CTDSP2: variants seen among roughly 807,000 people sequenced by gnomAD.
The protein encoded by CTDSP2 is CTD small phosphatase 2, also known as carboxy-terminal domain RNA polymerase II polypeptide A small phosphatase 2.
A neutral mutation model predicts 31.6 loss-of-function variants in CTDSP2; 9 were observed. That is an observed-to-expected ratio of 0.28 (90% CI 0.17 to 0.50). The LOEUF is 0.50. Ranked by LOEUF, CTDSP2 falls within the 20% of genes least tolerant of loss-of-function variation. The pLI is 0.98. For missense variants in CTDSP2, 267 were observed against 348.5 expected (o/e 0.77, Z 1.86); for synonymous variants, 134 against 134.5 (o/e 1.00, Z 0.03).
At chr12:57,829,789 G>T (rs951483007) in intron 1 of CTDSP2, among the ~76,000 whole-genome samples, 193 bp from the exon 2 acceptor site, 1 of 152,168 alleles carries the variant, frequency 6.6e-6, no homozygotes, top group Non-Finnish European at 1.5e-5. Context: ...AAGCAGGAAT[G>T]TCAGGAATCC....
chr12:57,829,652 C>A, intron 1 of CTDSP2, 56 bp from the exon 2 acceptor site: 1 of 1,498,348 alleles, frequency 6.7e-7, no homozygotes, highest in Non-Finnish European at 9.3e-7. Context: ...TTTCTGTCCA[C>A]AGATACTACC....
chr12:57,837,633 G>C (rs970344620), intron 1 of CTDSP2, among the ~76,000 whole-genome samples: 3 of 151,872 alleles, frequency 2.0e-5, no homozygotes, highest in African/African-American at 7.3e-5. Flanking sequence ...GGAGGTTGCA[G>C]TGAGCCGAGA....
chr12:57,842,872 C>T (rs1409763378), intron 1 of CTDSP2: 1 of 152,232 alleles, frequency 6.6e-6, no homozygotes, highest in Non-Finnish European at 1.5e-5. Context: ...CCTACATCTA[C>T]AGTGAACGGT....
intron 1 of CTDSP2, among the ~76,000 whole-genome samples, chr12:57,832,886 C>A (rs528940945): frequency 6.7e-6 from 1 of 149,740 alleles, no homozygotes; most frequent in East Asian, 2.0e-4. Flanking sequence ...TATTTCTATG[C>A]TGAAATTGGA....
intron 1 of CTDSP2, among the ~76,000 whole-genome samples, chr12:57,834,944 G>A (rs1956238268): frequency 6.6e-6 from 1 of 152,152 alleles, no homozygotes; most frequent in Non-Finnish European, 1.5e-5. Context: ...CCAACATGGA[G>A]AAACCCCGTC....
At chr12:57,837,694 A>G (rs1271749353) in intron 1 of CTDSP2, among the ~76,000 whole-genome samples, 3 of 152,058 alleles carry the variant, frequency 2.0e-5, no homozygotes, top group Non-Finnish European at 4.4e-5. Context: ...CTGTCTCAAA[A>G]TAAATAAATA....
Position 57,846,406 on chromosome 12 carries a change from C to A in CTDSP2, c.30G>T (p.Ala10=). The A allele has an allele frequency of 6.2e-7, 1 of 1,608,492 alleles. No individual in the cohort carries two copies. Among genetic ancestry groups the A allele is most frequent in the South Asian group, 1.1e-5 (1 of 89,752 alleles). The change falls in exon 1 of 8, where the codon GCG becomes GCT. Residue 10 remains alanine (A), a synonymous_variant. Transcript: ENST00000398073. MEHGSIITQ[A]RREDALVLTK... ...TGAGCACCAGGGCGTCTTCCCTCCG[C>A]GCCTGGGTGATGATGGAGCCGTGTT... is the stretch of plus-strand genomic sequence containing the variant.
chr12:57,839,754 A>C (rs1956271432), intron 1 of CTDSP2, among the ~76,000 whole-genome samples: 1 of 152,050 alleles, frequency 6.6e-6, no homozygotes, highest in African/African-American at 2.4e-5. Context: ...AGACAATGCA[A>C]ATGTCTGGCT....
At position 57,821,718 on chromosome 12, in the gene CTDSP2, C is replaced by A. The variant is rs1956146056; in HGVS notation, c.*1884G>T. The A allele has an allele frequency of 6.6e-6, 1 of 152,208 alleles. No homozygotes were observed. Among genetic ancestry groups the A allele is most frequent in the Admixed American group, 6.5e-5 (1 of 15,280 alleles). 9.4% of individuals were successfully genotyped at this position (152,208 alleles called of 1,614,324 possible). ...CTGGCTAGCACATGGGGTCCTTCTC[C>A]CTTTAGGTACACCGGGACCCCATAG... On this transcript the variant is annotated 3_prime_UTR_variant, in exon 8 of 8. Coordinates refer to ENST00000398073, the MANE Select transcript of CTDSP2 (RefSeq NM_005730.4).
intron 1 of CTDSP2, among the ~76,000 whole-genome samples, chr12:57,834,894 G>A (rs989696504): frequency 6.6e-6 from 1 of 152,086 alleles, no homozygotes; most frequent in Non-Finnish European, 1.5e-5. Context: ...AGGCCGAGGC[G>A]GGCGGATCAC....
At chr12:57,843,489 C>A (rs145652993) in intron 1 of CTDSP2, among the ~76,000 whole-genome samples, 1 of 151,676 alleles carries the variant, frequency 6.6e-6, no homozygotes, top group South Asian at 2.1e-4. Flanking sequence ...GAATCATCAA[C>A]GCACCCAGAC....
chr12:57,830,081 T>G (rs1956205625), intron 1 of CTDSP2, among the ~76,000 whole-genome samples: 1 of 152,118 alleles, frequency 6.6e-6, no homozygotes, highest in South Asian at 2.1e-4. Context: ...GGAGCCCAAT[T>G]TGCCTAAAAA....
Position 57,824,007 on chromosome 12 carries a change from T to A in CTDSP2, c.587A>T (p.Gln196Leu). Residue 196 changes from glutamine to leucine, a missense_variant, in exon 7 of 8, where the codon CAG (glutamine) becomes CTG (leucine). Physicochemically the swap from Gln to Leu is moderately radical, Grantham distance 113. Coordinates refer to ENST00000398073, the MANE Select transcript of CTDSP2 (RefSeq NM_005730.4). ...RLFRESCVFH[Q>L]GCYVKDLSRL... ...GCTGAGGTCCTTGACGTAGCAGCCC[T>A]GGTGGAACACGCAAGACTCACGGAA... 6.2e-7 allele frequency: 1 copy of A among 1,614,102 alleles called. No individual in the cohort carries two copies. The highest frequency in any genetic ancestry group is 8.5e-7 in the Non-Finnish European group (1 of 1,180,006).
chr12:57,825,390 C>A (rs870392), intron 5 of CTDSP2, among the ~76,000 whole-genome samples: 42,506 of 152,232 alleles, frequency 0.28, 7,750 homozygotes, highest in East Asian at 0.72. Context: ...CTTTCACCCA[C>A]CTTGGGCAGG....
chr12:57,831,092 G>C (rs1956212530), intron 1 of CTDSP2, among the ~76,000 whole-genome samples: 1 of 121,384 alleles, frequency 8.2e-6, no homozygotes, highest in African/African-American at 3.0e-5. Context: ...TCCCCAGAAA[G>C]GCCAAGCAGA....
Position 57,824,222 on chromosome 12 carries a change from G to C in CTDSP2, c.504+5C>G, listed in dbSNP as rs528788948. The C allele has an allele frequency of 3.1e-6, 5 of 1,613,828 alleles. No individual in the cohort carries two copies. In the South Asian group the frequency reaches 4.4e-5, roughly 14 times the overall value. On this transcript the variant is annotated splice_donor_5th_base_variant and intron_variant, in intron 6 of 7. Coordinates refer to ENST00000398073, the MANE Select transcript of CTDSP2 (RefSeq NM_005730.4). ...TCCTGGTTCTTCCCTCTCACCCCTA[G>C]GTACCTTGGCCAGGCTGGCAGTGAA...
chr12:57,840,793 G>T (rs1956277948), intron 1 of CTDSP2, among the ~76,000 whole-genome samples: 2 of 152,162 alleles, frequency 1.3e-5, no homozygotes, highest in African/African-American at 2.4e-5. Flanking sequence ...GAGCACCTAG[G>T]AGGGAAATGG....
At chr12:57,841,259 A>T (rs780870043) in intron 1 of CTDSP2, among the ~76,000 whole-genome samples, 1 of 152,174 alleles carries the variant, frequency 6.6e-6, no homozygotes, top group East Asian at 1.9e-4. Context: ...CTGCTTTTGT[A>T]CTTTCTCAAT....
Position 57,820,032 on chromosome 12 carries a change from T to C in CTDSP2, c.*3570A>G, listed in dbSNP as rs1956134259. 6.6e-6 allele frequency: 1 copy of C among 152,664 alleles called. No individual in the cohort carries two copies. The highest frequency in any genetic ancestry group is 2.4e-5 in the African/African-American group (1 of 41,452). 9.5% of individuals were successfully genotyped at this position (152,664 alleles called of 1,614,324 possible). A position where few individuals can be genotyped will look rare whatever the true frequency, so the allele number is the denominator to read the frequency against. On this transcript the variant is annotated 3_prime_UTR_variant, in exon 8 of 8. Coordinates refer to ENST00000398073, the MANE Select transcript of CTDSP2 (RefSeq NM_005730.4). ...TAATGGCGTCCTGCATTTCAAGTTT[T>C]TGAATACAACAAATTTATCAAACCA...
Sources: gnomAD v4.1 joint callset for allele counts (sites outside exome capture counted in the v4.1 genomes callset) on GRCh38, gnomAD v4.1.1 for gene constraint, MANE v1.5 for transcripts, NCBI Gene and HGNC (gene_info 2026-07-23, HGNC 2026-07-21) for gene names.